CDH11: variants seen among roughly 807,000 people sequenced by gnomAD.
CDH11 encodes cadherin-11.
Under a neutral mutation model 67.8 loss-of-function variants are expected in CDH11, and 11 were observed. The ratio of observed to expected loss-of-function variants is 0.16; its 90% CI spans 0.10 to 0.27. CDH11 has a LOEUF of 0.27. Among genes scored for constraint, CDH11 ranks in the 10% least tolerant of loss-of-function variants. The pLI is 1.00. For synonymous variants in CDH11, 419 were observed against 400.0 expected (o/e 1.05, Z -0.57); for missense variants, 847 against 1,031.2 (o/e 0.82, Z 2.45).
At chr16:65,090,245 T>C (rs1052472201) in intron 1 of CDH11, among the ~76,000 whole-genome samples, 1 of 152,140 alleles carries the variant, frequency 6.6e-6, no homozygotes, top group Non-Finnish European at 1.5e-5. Flanking sequence ...GATCTAGTAT[T>C]GGGTTTATAA....
chr16:65,077,388 C>T lies in CDH11; in HGVS notation c.-297-23460G>A, dbSNP rs115977218. On this transcript the variant is annotated intron_variant, in intron 1 of 12. Transcript: ENST00000268603. ...TGTGTGTAGCTTCTTTTCACAGCTG[C>T]GTAAAAACAAATCTTATTGTGAGAC... Among the ~76,000 whole-genome samples, 729 of 152,140 alleles carry T rather than the reference C, an allele frequency of 4.8e-3. 3 individuals carry two copies. Among genetic ancestry groups the T allele is most frequent in the African/African-American group, 0.016 (655 of 41,498 alleles).
chr16:65,068,817 T>G (rs988396562), intron 1 of CDH11, among the ~76,000 whole-genome samples: 29 of 152,324 alleles, frequency 1.9e-4, no homozygotes, highest in African/African-American at 7.0e-4. Context: ...GCCACCCATT[T>G]TCAGAAATAA....
rs2075021471 is a variant in CDH11, at chr16:65,103,249, T to C, written c.-298+18631A>G. Among the ~76,000 whole-genome samples the C allele has an allele frequency of 2.0e-5, 3 of 152,348 alleles. No homozygotes were observed. In the South Asian group the frequency reaches 6.2e-4, roughly 32 times the overall value. On this transcript the variant is annotated intron_variant, in intron 1 of 12. Coordinates refer to ENST00000268603, the MANE Select transcript of CDH11 (RefSeq NM_001797.4). ...TTGGATCTTGCAACCTGCTAGATGC[T>C]TATTTAGTATATAAATATATGTTTT...
intron 2 of CDH11, among the ~76,000 whole-genome samples, chr16:65,032,053 G>A (rs1236944253): frequency 1.3e-5 from 2 of 152,144 alleles, no homozygotes; most frequent in African/African-American, 4.8e-5. Flanking sequence ...CATCGAGAGT[G>A]AATCAATGGG....
chr16:65,098,412 C>T (rs2074935365), intron 1 of CDH11, among the ~76,000 whole-genome samples: 1 of 152,166 alleles, frequency 6.6e-6, no homozygotes, highest in Admixed American at 6.5e-5. Flanking sequence ...CAGACTGACC[C>T]TCCTTCTCTG....
At chr16:65,075,255 A>T (rs892875096) in intron 1 of CDH11, among the ~76,000 whole-genome samples, 9 of 152,378 alleles carry the variant, frequency 5.9e-5, no homozygotes, top group Middle Eastern at 3.4e-3. Flanking sequence ...ACAGAATGTC[A>T]GACAAGCTTC....
At chr16:64,981,579 T>C (rs1267916375) in intron 8 of CDH11, 1 of 152,422 alleles carries the variant, frequency 6.6e-6, no homozygotes, top group African/African-American at 2.4e-5. Flanking sequence ...CAAGTCACTT[T>C]GTCTTGCATT....
At chr16:64,983,682 T>A (rs898571082) in intron 7 of CDH11, among the ~76,000 whole-genome samples, 1 of 152,200 alleles carries the variant, frequency 6.6e-6, no homozygotes, top group African/African-American at 2.4e-5. Context: ...TTCCTAAATC[T>A]AAATCTGCCC....
intron 1 of CDH11, among the ~76,000 whole-genome samples, chr16:65,098,005 A>G (rs2074928778): frequency 6.6e-6 from 1 of 152,200 alleles, no homozygotes; most frequent in Non-Finnish European, 1.5e-5. Flanking sequence ...AGATTATTGG[A>G]GTAACACAAG....
intron 1 of CDH11, among the ~76,000 whole-genome samples, chr16:65,062,165 G>A (rs1440849950): frequency 2.0e-5 from 3 of 152,166 alleles, no homozygotes; most frequent in Non-Finnish European, 4.4e-5. Flanking sequence ...AACTATCCAG[G>A]AAAAGCAGAA....
At chr16:64,978,754 C>A (rs922363118) in intron 8 of CDH11, among the ~76,000 whole-genome samples, 6 of 151,980 alleles carry the variant, frequency 3.9e-5, no homozygotes, top group African/African-American at 1.2e-4. Context: ...TAAAGTTGGA[C>A]CCCTTCCTGA....
rs1043116790 is a variant in CDH11, at chr16:65,121,174, C to T, written c.-298+706G>A. The stretch of plus-strand genomic sequence containing the variant: ...TGGGCCGCTCATGGACCTACTCCTG[C>T]GCTGGTGGGAGCTTACAAACGGGCG... On this transcript the variant is annotated intron_variant, in intron 1 of 12. Transcript: ENST00000268603. The surrounding 1 kb of genome is among the most constrained non-coding windows in gnomAD (Gnocchi z 4.1). Among the ~76,000 whole-genome samples the T allele has an allele frequency of 5.9e-5, 9 of 152,214 alleles. No individual in the cohort carries two copies. The highest frequency in any genetic ancestry group is 2.2e-4 in the African/African-American group (9 of 41,464).
At chr16:65,008,675 A>G (rs974922716) in intron 2 of CDH11, among the ~76,000 whole-genome samples, 1 of 152,186 alleles carries the variant, frequency 6.6e-6, no homozygotes, top group Non-Finnish European at 1.5e-5. Context: ...ATTTGAACCC[A>G]TGGCTTCAGG....
intron 2 of CDH11, among the ~76,000 whole-genome samples, chr16:65,020,671 A>G (rs1352261932): frequency 2.0e-5 from 3 of 152,184 alleles, no homozygotes; most frequent in South Asian, 2.1e-4. Flanking sequence ...CAAAATTACT[A>G]AAGTCATATG....
intron 2 of CDH11, among the ~76,000 whole-genome samples, chr16:65,011,118 C>T (rs76765781): frequency 6.8e-5 from 8 of 116,822 alleles, no homozygotes; most frequent in African/African-American, 9.4e-5. Context: ...TATATACATA[C>T]ACACACACAC....
At chr16:65,091,566 T>C (rs2074792908) in intron 1 of CDH11, among the ~76,000 whole-genome samples, 1 of 151,700 alleles carries the variant, frequency 6.6e-6, no homozygotes, top group African/African-American at 2.4e-5. Context: ...TTTTTTTTTT[T>C]TTTGAGACGG....
At chr16:65,102,635 C>T (rs1246638636) in intron 1 of CDH11, among the ~76,000 whole-genome samples, 1 of 152,224 alleles carries the variant, frequency 6.6e-6, no homozygotes, top group Non-Finnish European at 1.5e-5. Flanking sequence ...TGAGATTTAT[C>T]CTTTCCAAAG....
chr16:65,011,405 A>G (rs962324272), intron 2 of CDH11, among the ~76,000 whole-genome samples: 1 of 152,108 alleles, frequency 6.6e-6, no homozygotes, highest in Non-Finnish European at 1.5e-5. Flanking sequence ...TCTTTGTTAG[A>G]TGTGACTTCC....
chr16:65,038,829 C>T (rs555279944), intron 2 of CDH11, among the ~76,000 whole-genome samples: 7 of 152,320 alleles, frequency 4.6e-5, no homozygotes, highest in South Asian at 2.1e-4. Flanking sequence ...GGTCTCCTTT[C>T]GCTCCATTCC....
Sources: allele counts gnomAD v4.1 joint callset (sites outside exome capture counted in the v4.1 genomes callset), GRCh38; gene constraint gnomAD v4.1.1; non-coding constraint Gnocchi (gnomAD v3.1); transcripts MANE v1.5; gene names NCBI Gene and HGNC (gene_info 2026-07-23, HGNC 2026-07-21).